PCSK2: variants seen among roughly 807,000 people sequenced by gnomAD.
PCSK2 encodes proprotein convertase subtilisin/kexin type 2, also known as neuroendocrine convertase 2.
In PCSK2, 14 loss-of-function variants were observed where a neutral mutation model predicts 69.7. The observed-to-expected ratio is 0.20, with a 90% confidence interval of 0.13 to 0.31. PCSK2 has a LOEUF of 0.31. PCSK2 is among the 10% of genes least tolerant of loss of function. The pLI, the probability that PCSK2 is intolerant of heterozygous loss-of-function variation, is 1.00. For missense variants in PCSK2, 544 were observed against 842.5 expected, an observed-to-expected ratio of 0.65 and a Z score of 4.39; for synonymous variants, 307 against 320.7, an observed-to-expected ratio of 0.96 and a Z score of 0.46.
chr20:17,291,090 G>C (rs1275361115), intron 2 of PCSK2, among the ~76,000 whole-genome samples: 1 of 151,544 alleles, frequency 6.6e-6, no homozygotes, highest in Admixed American at 6.6e-5. Context: ...TCAAACCATA[G>C]CAATAATATA....
Position 17,352,230 on chromosome 20 carries a change from G to A in PCSK2, c.283-6097G>A, listed in dbSNP as rs574400160. 9.2e-5 allele frequency among the ~76,000 whole-genome samples: 14 copies of A among 152,344 alleles called. No homozygotes were observed. The South Asian group carries it at 2.9e-3, about 32-fold the overall frequency. ...ACAAACAAGTGGGAAAGCAGTCTAT[G>A]CTCATGGATTGGAAGAATCAGTATC... On this transcript the variant is annotated intron_variant, in intron 2 of 11. Coordinates refer to ENST00000262545, the MANE Select transcript of PCSK2 (RefSeq NM_002594.5).
intron 1 of PCSK2, among the ~76,000 whole-genome samples, chr20:17,257,367 A>G (rs757022804): frequency 1.3e-4 from 20 of 152,312 alleles, no homozygotes; most frequent in Non-Finnish European, 2.6e-4. Context: ...TGGTGTGGCA[A>G]TTCCTCAAGG....
chr20:17,289,830 C>G (rs1029182715), intron 2 of PCSK2, among the ~76,000 whole-genome samples: 1 of 152,152 alleles, frequency 6.6e-6, no homozygotes, highest in Non-Finnish European at 1.5e-5. Context: ...ATTTATTTAA[C>G]AATTCCTCTA....
chr20:17,438,863 G>A (rs1289581558), intron 8 of PCSK2, among the ~76,000 whole-genome samples: 5 of 152,236 alleles, frequency 3.3e-5, no homozygotes, highest in Non-Finnish European at 7.3e-5. Context: ...GCCAGGCCAA[G>A]GGAAAGCTTT....
intron 2 of PCSK2, among the ~76,000 whole-genome samples, chr20:17,273,337 C>T (rs1187095088): frequency 6.6e-6 from 1 of 152,102 alleles, no homozygotes; most frequent in Non-Finnish European, 1.5e-5. Flanking sequence ...TTTATCATCT[C>T]TACCATTAAA....
At chr20:17,312,563 C>A (rs1989550076) in intron 2 of PCSK2, among the ~76,000 whole-genome samples, 1 of 151,928 alleles carries the variant, frequency 6.6e-6, no homozygotes, top group South Asian at 2.1e-4. Context: ...ATCAGGATAA[C>A]AAAAAAATCA....
chr20:17,459,859 G>GGCAATAGCTCT (rs2032984115), intron 10 of PCSK2, among the ~76,000 whole-genome samples: 1 of 152,222 alleles, frequency 6.6e-6, no homozygotes, highest in South Asian at 2.1e-4. Context: ...TGATCAATAA[G>GGCAATAGCTCT]GCAATAGCTC....
chr20:17,321,126 G>A (rs1254392373), intron 2 of PCSK2, among the ~76,000 whole-genome samples: 1 of 152,122 alleles, frequency 6.6e-6, no homozygotes, highest in Non-Finnish European at 1.5e-5. Flanking sequence ...ATTCACCCAA[G>A]TTACTCAACA....
At chr20:17,272,882 CT>C (rs1987925045) in intron 2 of PCSK2, among the ~76,000 whole-genome samples, 1 of 152,114 alleles carries the variant, frequency 6.6e-6, no homozygotes, top group Admixed American at 6.6e-5. Context: ...ATATGGCTCT[CT>C]GAGAAATCAG....
At chr20:17,245,892 G>T (rs1311353271) in intron 1 of PCSK2, among the ~76,000 whole-genome samples, 2 of 152,080 alleles carry the variant, frequency 1.3e-5, no homozygotes, top group Non-Finnish European at 2.9e-5. Context: ...ACTTTCTATT[G>T]TCTTTTACCT....
chr20:17,290,160 GTTTTC>G (rs1409692133), intron 2 of PCSK2, among the ~76,000 whole-genome samples: 1 of 152,150 alleles, frequency 6.6e-6, no homozygotes, highest in Admixed American at 6.5e-5. Context: ...ATCATTTATA[GTTTTC>G]TTTGGTGAGA....
At chr20:17,276,615 C>T (rs1988089365) in intron 2 of PCSK2, among the ~76,000 whole-genome samples, 1 of 152,068 alleles carries the variant, frequency 6.6e-6, no homozygotes, top group African/African-American at 2.4e-5. Context: ...AATAACATCC[C>T]TTCCTCTCTC....
At chr20:17,454,948 G>A (rs1214801384) in intron 9 of PCSK2, among the ~76,000 whole-genome samples, 2 of 152,260 alleles carry the variant, frequency 1.3e-5, no homozygotes, top group Middle Eastern at 3.4e-3. Context: ...TCCTTCCCAC[G>A]AGCCCTCCTG....
At chr20:17,363,832 T>C (rs1316002905) in intron 4 of PCSK2, among the ~76,000 whole-genome samples, 1 of 152,268 alleles carries the variant, frequency 6.6e-6, no homozygotes, top group East Asian at 1.9e-4. Flanking sequence ...ACCACAGTTA[T>C]TCCCTAAGGT....
intron 2 of PCSK2, among the ~76,000 whole-genome samples, chr20:17,314,924 G>A (rs1347281592): frequency 6.6e-6 from 1 of 152,158 alleles, no homozygotes; most frequent in Non-Finnish European, 1.5e-5. Context: ...GGAATATGCT[G>A]ATGGCTAACT....
At position 17,384,582 on chromosome 20, in the gene PCSK2, A is replaced by G. The variant is rs112959313; in HGVS notation, c.543+15305A>G. ...GTGCCATTGCACTCCAGCCTCCCCAACAAGAGTGAAACTCTGTCTCAATCA... is the reference window on the plus strand; with the variant it reads ...GTGCCATTGCACTCCAGCCTCCCCAGCAAGAGTGAAACTCTGTCTCAATCA... On this transcript the variant is annotated intron_variant, in intron 5 of 11. Transcript: ENST00000262545. Among the ~76,000 whole-genome samples, 1,457 of 152,226 alleles carry G rather than the reference A, an allele frequency of 9.6e-3. 9 individuals are homozygous for G. The highest frequency in any genetic ancestry group is 0.015 in the South Asian group (74 of 4,822).
chr20:17,323,179 T>G (rs1989927566), intron 2 of PCSK2, among the ~76,000 whole-genome samples: 1 of 152,198 alleles, frequency 6.6e-6, no homozygotes, highest in African/African-American at 2.4e-5. Context: ...CCCCACTTCT[T>G]AATACCACCA....
intron 10 of PCSK2, chr20:17,464,612 G>A (rs1380140751): frequency 6.6e-6 from 1 of 152,158 alleles, no homozygotes; most frequent in African/African-American, 2.4e-5. Context: ...GCATAGATTA[G>A]TCATTCTTGT....
intron 1 of PCSK2, among the ~76,000 whole-genome samples, chr20:17,240,133 T>A (rs1206036373): frequency 1.3e-5 from 2 of 152,032 alleles, no homozygotes; most frequent in East Asian, 3.9e-4. Flanking sequence ...ATTACAGGCA[T>A]AAGCCACTGC....
Sources: gnomAD v4.1 joint callset for allele counts (sites outside exome capture counted in the v4.1 genomes callset) on GRCh38, gnomAD v4.1.1 for gene constraint, MANE v1.5 for transcripts, NCBI Gene and HGNC (gene_info 2026-07-23, HGNC 2026-07-21) for gene names.